NETO1: variants seen among roughly 807,000 people sequenced by gnomAD.
NETO1 encodes neuropilin and tolloid like 1.
Under a neutral mutation model 61.3 loss-of-function variants are expected in NETO1, and 26 were observed. The observed-to-expected ratio is 0.42, with a 90% CI of 0.31 to 0.59. The LOEUF is 0.59. Among genes scored for constraint, NETO1 ranks in the 20% least tolerant of loss-of-function variants. The pLI is 0.12. For synonymous variants in NETO1, 225 were observed against 225.8 expected (o/e 1.00, Z 0.03); for missense variants, 531 against 662.8 (o/e 0.80, Z 2.18).
At chr18:72,845,098 C>A (rs1445256576) in intron 4 of NETO1, among the ~76,000 whole-genome samples, 2 of 152,196 alleles carry the variant, frequency 1.3e-5, no homozygotes, top group Non-Finnish European at 2.9e-5. Flanking sequence ...ATTTTGTATA[C>A]AGTAATAATT....
At chr18:72,789,423 A>C (rs1484656316) in intron 6 of NETO1, among the ~76,000 whole-genome samples, 1 of 152,042 alleles carries the variant, frequency 6.6e-6, no homozygotes, top group African/African-American at 2.4e-5. Flanking sequence ...ACCTATTTAA[A>C]ATTTTTACTT....
At chr18:72,831,765 G>A (rs539605286) in intron 4 of NETO1, among the ~76,000 whole-genome samples, 12 of 152,260 alleles carry the variant, frequency 7.9e-5, no homozygotes, top group South Asian at 2.1e-4. Flanking sequence ...TCCTCATTAC[G>A]TTTCTGTGCA....
intron 7 of NETO1, among the ~76,000 whole-genome samples, chr18:72,773,959 T>C (rs1200172811): frequency 1.3e-5 from 2 of 151,888 alleles, no homozygotes. Context: ...ATTATTTATT[T>C]ATAATAATAT....
chr18:72,755,411 C>T (rs939580029), intron 8 of NETO1, among the ~76,000 whole-genome samples: 4 of 152,030 alleles, frequency 2.6e-5, no homozygotes, highest in Non-Finnish European at 5.9e-5. Flanking sequence ...TATTGGATCT[C>T]AGTAAAATAC....
intron 4 of NETO1, among the ~76,000 whole-genome samples, chr18:72,810,672 T>C (rs2072835590): frequency 6.6e-6 from 1 of 152,212 alleles, no homozygotes; most frequent in Admixed American, 6.5e-5. Flanking sequence ...CAATTCTGCT[T>C]AAGACACAGC....
intron 7 of NETO1, among the ~76,000 whole-genome samples, chr18:72,770,025 AGCAGT>A (rs2145171274): frequency 6.6e-6 from 1 of 152,214 alleles, no homozygotes; most frequent in East Asian, 1.9e-4. Context: ...GTTTCCTATA[AGCAGT>A]GCATATGCTT....
intron 4 of NETO1, among the ~76,000 whole-genome samples, chr18:72,806,596 T>G (rs1274381896): frequency 9.9e-5 from 15 of 152,184 alleles, no homozygotes; most frequent in Non-Finnish European, 1.9e-4. Context: ...ATTATCTTCC[T>G]AAAATTTTTA....
intron 4 of NETO1, 43 bp from the exon 5 acceptor site, chr18:72,794,447 A>G: frequency 1.9e-6 from 3 of 1,559,356 alleles, no homozygotes; most frequent in Non-Finnish European, 2.6e-6. Context: ...TTCTACATTT[A>G]TTACTTACAG....
chr18:72,766,220 A>ATGTG (rs34670401), intron 7 of NETO1, among the ~76,000 whole-genome samples: 4,044 of 144,666 alleles, frequency 0.028, 105 homozygotes, highest in East Asian at 0.14. Flanking sequence ...AAAAAAAAAT[A>ATGTG]TGTGTGTGTG....
At chr18:72,863,265 A>G (rs1048167400) in intron 3 of NETO1, among the ~76,000 whole-genome samples, 2 of 152,206 alleles carry the variant, frequency 1.3e-5, no homozygotes, top group Non-Finnish European at 2.9e-5. Context: ...CAACCATATC[A>G]TAGCTCTGAA....
intron 4 of NETO1, among the ~76,000 whole-genome samples, chr18:72,822,105 T>C (rs1347855102): frequency 2.0e-5 from 3 of 152,168 alleles, no homozygotes; most frequent in Non-Finnish European, 2.9e-5. Context: ...GGAGGCTTCT[T>C]TGAAGAGTGA....
rs189013928 is a variant in NETO1 at position 72,778,363 on chromosome 18, T to A, written c.868+5315A>T. ...GCATGTTTTCTCATTCTTTACAATA[T>A]GAATAGGCTGAGAATTTTCCAAATC... is the stretch of plus-strand genomic sequence containing the variant. On this transcript the variant is annotated intron_variant, in intron 7 of 10. Coordinates refer to ENST00000327305, the MANE Select transcript of NETO1 (RefSeq NM_138966.5). Among the ~76,000 whole-genome samples the A allele has an allele frequency of 1.0e-3, 157 of 152,354 alleles. 1 individual carries two copies. The highest frequency in any genetic ancestry group is 1.8e-3 in the Non-Finnish European group (121 of 68,030).
At chr18:72,863,569 T>C (rs1349284023) in intron 3 of NETO1, among the ~76,000 whole-genome samples, 1 of 152,182 alleles carries the variant, frequency 6.6e-6, no homozygotes, top group East Asian at 1.9e-4. Flanking sequence ...TAGCTAATTG[T>C]TTTGCCTTCT....
chr18:72,862,622 C>CTTTTTTTT (rs11453772), intron 3 of NETO1, among the ~76,000 whole-genome samples: 1 of 122,402 alleles, frequency 8.2e-6, no homozygotes, highest in Admixed American at 8.8e-5. Context: ...CTTTTTTTTT[C>CTTTTTTTT]TTTTTTTTTT....
intron 7 of NETO1, among the ~76,000 whole-genome samples, chr18:72,771,847 G>GTCACAAATTA (rs1407889865): frequency 1.3e-5 from 2 of 152,080 alleles, no homozygotes; most frequent in Non-Finnish European, 2.9e-5. Flanking sequence ...CTACTGCTGA[G>GTCACAAATTA]TCACAAATTA....
chr18:72,750,690 T>C (rs1020965033), intron 8 of NETO1, 70 bp from the exon 9 acceptor site: 15 of 1,117,032 alleles, frequency 1.3e-5, no homozygotes, highest in Middle Eastern at 2.2e-4. Context: ...ATTAATATTA[T>C]AGTCAAAATG....
chr18:72,777,342 C>T (rs1347419974), intron 7 of NETO1, among the ~76,000 whole-genome samples: 1 of 150,046 alleles, frequency 6.7e-6, no homozygotes. Context: ...AGCTTGAACC[C>T]GGGAGGGGGG....
intron 6 of NETO1, among the ~76,000 whole-genome samples, chr18:72,787,211 T>C (rs960782080): frequency 6.6e-6 from 1 of 151,216 alleles, no homozygotes; most frequent in Non-Finnish European, 1.5e-5. Flanking sequence ...AAAAATTCTA[T>C]GCAATAAATT....
intron 4 of NETO1, among the ~76,000 whole-genome samples, chr18:72,805,292 C>G (rs1020154136): frequency 6.6e-6 from 1 of 152,046 alleles, no homozygotes; most frequent in South Asian, 2.1e-4. Context: ...ATAATACAAA[C>G]TAAAATACAA....
Sources: allele counts gnomAD v4.1 joint callset (sites outside exome capture counted in the v4.1 genomes callset), GRCh38; gene constraint gnomAD v4.1.1; transcripts MANE v1.5; gene names NCBI Gene and HGNC (gene_info 2026-07-23, HGNC 2026-07-21).